Variants in NOD1 observed in about 807,000 individuals in gnomAD.
NOD1 encodes the protein nucleotide binding oligomerization domain containing 1, also known as nucleotide-binding oligomerization domain-containing protein 1.
NOD1 carries 70 observed loss-of-function variants against 81.2 expected under a neutral mutation model. The ratio of observed to expected loss-of-function variants is 0.86; its 90% confidence interval spans 0.71 to 1.05. NOD1 has a LOEUF of 1.05. Among genes scored for constraint, NOD1 ranks in the 50% least tolerant of loss-of-function variants. The probability of loss-of-function intolerance (pLI) is 0.00; values close to 1 mark genes in which losing one functional copy is unlikely to be tolerated. For synonymous variants in NOD1, 508 were observed against 526.9 expected, an observed-to-expected ratio of 0.96 and a Z score of 0.49; for missense variants, 1,233 against 1,228.0, an observed-to-expected ratio of 1.00 and a Z score of -0.06.
Position 30,467,203 on chromosome 7 carries a change from A to G in NOD1, c.-351-7162T>C, listed in dbSNP as rs897351099. ...CCCCTGCCCTCCAAATACACAAAGCACTCCACGTTCTCTATAGGCATACGC... is the reference window on the plus strand; with the variant it reads ...CCCCTGCCCTCCAAATACACAAAGCGCTCCACGTTCTCTATAGGCATACGC... On this transcript the variant is annotated intron_variant, in intron 1 of 13. Transcript: ENST00000222823. This position sits in a 1 kb window ranked among gnomAD's most constrained non-coding sequence, Gnocchi z 4.5. 6.6e-6 allele frequency among the ~76,000 whole-genome samples: 1 copy of G among 152,010 alleles called. No homozygotes were observed. Among genetic ancestry groups the G allele is most frequent in the African/African-American group, 2.4e-5 (1 of 41,372 alleles).
In NOD1 at chr7:30,449,141, G is replaced by T. The variant is rs572979094; in HGVS notation, c.2202-760C>A. On this transcript the variant is annotated intron_variant, in intron 6 of 13. Coordinates refer to ENST00000222823, the MANE Select transcript of NOD1 (RefSeq NM_006092.4). Reference sequence around the variant, plus strand: ...GAAACACAAGCCTTGGGCCCAATTAGACCCACAAGCTGACCTTGATAACAA... The same window carrying T: ...GAAACACAAGCCTTGGGCCCAATTATACCCACAAGCTGACCTTGATAACAA... Among the ~76,000 whole-genome samples the T allele has an allele frequency of 4.6e-5, 7 of 152,330 alleles. 1 individual carries two copies. Among genetic ancestry groups the T allele is most frequent in the Admixed American group, 1.3e-4 (2 of 15,302 alleles).
chr7:30,446,933 A>G (rs1425246428), intron 8 of NOD1, 34 bp downstream of exon 8: 2 of 1,541,362 alleles, frequency 1.3e-6, no homozygotes, highest in African/African-American at 2.7e-5. Flanking sequence ...GATCAAGAGA[A>G]TATACTAAGG....
At position 30,457,481 on chromosome 7, in the gene NOD1, G is replaced by GA. The variant is rs200801586; in HGVS notation, c.-121-440dup. Among the ~76,000 whole-genome samples, 676 of 151,822 alleles carry GA rather than the reference G, an allele frequency of 4.5e-3. 17 individuals carry two copies. Among genetic ancestry groups the GA allele is most frequent in the Admixed American group, 0.041 (618 of 15,242 alleles). ...AAACTTTTATCTTAGATGCATTAAA[G>GA]AAAAAAAATCATAATTTAATTGTTT... On this transcript the variant is annotated intron_variant, in intron 3 of 13. Coordinates refer to ENST00000222823, the MANE Select transcript of NOD1 (RefSeq NM_006092.4).
chr7:30,465,692 A>T (rs1438597651), intron 1 of NOD1, among the ~76,000 whole-genome samples: 1 of 152,148 alleles, frequency 6.6e-6, no homozygotes. Context: ...CAAAATAAAT[A>T]ACACAGCTTT....
Position 30,425,512 on chromosome 7 carries a change from G to C in NOD1, c.*126C>G. On this transcript the variant is annotated 3_prime_UTR_variant, in exon 14 of 14. Transcript: ENST00000222823. ...ACAGGAAGCTGGCTTGCATCATGGA[G>C]GCAGTGGACTCCTGATAGTCCCGCC... 1.4e-6 allele frequency: 1 copy of C among 720,900 alleles called. No homozygotes were observed. The allele number at this position is 720,900 out of a possible 1,614,324, so 44.7% of individuals were successfully genotyped here.
rs1784353949 is a variant in NOD1, at chr7:30,436,076, G to GC, written c.2542dup (p.Ala848GlyfsTer32). The GC allele has an allele frequency of 2.5e-6, 4 of 1,613,052 alleles. No individual in the cohort carries two copies. The African/African-American group carries it at 5.3e-5, about 22-fold the overall frequency. On this transcript the variant is annotated frameshift_variant, in exon 11 of 14. Transcript: ENST00000222823. LOFTEE classifies it high-confidence loss of function. ...TCCTTCTGTGGAGATGCCGTTGGACGCAAGACTAGGAAGGAACACACTTGG... is the reference window on the plus strand; with the variant it reads ...TCCTTCTGTGGAGATGCCGTTGGACGCCAAGACTAGGAAGGAACACACTTGG...
In NOD1 at chr7:30,455,434, C is replaced by G. The variant is rs569166891; in HGVS notation, c.202-123G>C. The G allele has an allele frequency of 6.4e-4, 435 of 674,614 alleles. 4 individuals carry two copies. The South Asian group carries it at 8.1e-3, about 13-fold the overall frequency. The allele number at this position is 674,614 out of a possible 1,614,324, so 41.8% of individuals were successfully genotyped here. On this transcript the variant is annotated intron_variant, in intron 4 of 13. Transcript: ENST00000222823. ...TAGTACAGCCGGTAGCTATGCCATC[C>G]CCCCAGCTGCTGTGACAGTCAACAT...
chr7:30,470,631 G>T (rs1414034541), intron 1 of NOD1, among the ~76,000 whole-genome samples: 2 of 152,172 alleles, frequency 1.3e-5, no homozygotes, highest in Non-Finnish European at 2.9e-5. Flanking sequence ...TCTTTAAAAG[G>T]TTAACCAGAG....
At position 30,457,007 on chromosome 7, in the gene NOD1, C is replaced by G; in HGVS notation, c.-86G>C. 1 of 1,168,924 alleles carries G rather than the reference C, an allele frequency of 8.6e-7. No homozygotes were observed. Among genetic ancestry groups the G allele is most frequent in the Non-Finnish European group, 1.3e-6 (1 of 785,070 alleles). The allele number at this position is 1,168,924 out of a possible 1,614,324, so 72.4% of individuals were successfully genotyped here. A position where few individuals can be genotyped will look rare whatever the true frequency, so the allele number is the denominator to read the frequency against. On this transcript the variant is annotated 5_prime_UTR_variant, in exon 4 of 14. Transcript: ENST00000222823. ...GCAGAAGGGCAATCAGGATTCAGGCCGCGCCCTCCAGGGCCCCTGCTACTC... is the reference window on the plus strand; with the variant it reads ...GCAGAAGGGCAATCAGGATTCAGGCGGCGCCCTCCAGGGCCCCTGCTACTC...
Position 30,451,648 on chromosome 7 carries a change from A to C in NOD1, c.1769T>G (p.Leu590Arg), listed in dbSNP as rs748162719. ...TTTGGACAACAGCCCGCACAGGAAG[A>C]GGTTGGTGAACTGGAAGTGATCCTT... ...KNKDHFQFTN[L>R]FLCGLLSKAK... The change falls in exon 6 of 14, where the codon CTC becomes CGC. Residue 590 changes from leucine to arginine, a missense_variant. Transcript: ENST00000222823. This position sits in a 1 kb window ranked among gnomAD's most constrained non-coding sequence, Gnocchi z 4.2. The C allele has an allele frequency of 3.1e-6, 5 of 1,613,890 alleles. No individual in the cohort carries two copies. In the South Asian group the frequency reaches 3.3e-5, roughly 11 times the overall value.
At chr7:30,429,233 T>C in intron 13 of NOD1, 141 bp downstream of exon 13, 1 of 755,866 alleles carries the variant, frequency 1.3e-6, no homozygotes, top group Non-Finnish European at 2.3e-6. Context: ...TGTCTACCTC[T>C]GTAAAACAGA....
At chr7:30,446,757 T>C in intron 8 of NOD1, 1 of 548,302 alleles carries the variant, frequency 1.8e-6, no homozygotes. Flanking sequence ...GAAATCAAAA[T>C]GCCAACCTTT....
intron 10 of NOD1, among the ~76,000 whole-genome samples, 178 bp downstream of exon 10, chr7:30,437,395 A>G (rs1187586486): frequency 6.6e-6 from 1 of 152,202 alleles, no homozygotes; most frequent in African/African-American, 2.4e-5. Context: ...TTAAAAAAAG[A>G]GAAGAATGTG....
In NOD1 at chr7:30,467,086, T is replaced by C. The variant is rs1355838977; in HGVS notation, c.-351-7045A>G. Reference sequence around the variant, plus strand: ...CACGGTGGAGCTGCATGTACTGACATAGAAAGAGCCTTAAGACATCCTGTC... The same window carrying C: ...CACGGTGGAGCTGCATGTACTGACACAGAAAGAGCCTTAAGACATCCTGTC... On this transcript the variant is annotated intron_variant, in intron 1 of 13. Coordinates refer to ENST00000222823, the MANE Select transcript of NOD1 (RefSeq NM_006092.4). This position sits in a 1 kb window ranked among gnomAD's most constrained non-coding sequence, Gnocchi z 4.5. Among the ~76,000 whole-genome samples, 1 of 152,142 alleles carries C rather than the reference T, an allele frequency of 6.6e-6. No individual in the cohort carries two copies. The highest frequency in any genetic ancestry group is 1.5e-5 in the Non-Finnish European group (1 of 68,030).
chr7:30,447,805 TACC>T (rs1226392995), intron 7 of NOD1: 1 of 156,110 alleles, frequency 6.4e-6, no homozygotes, highest in Non-Finnish European at 1.4e-5. Context: ...TAGTCTTTCT[TACC>T]ACACTTGGTT....
Position 30,425,699 on chromosome 7 carries a change from T to A in NOD1, c.2801A>T (p.Asn934Ile). ...TTTGGCCTCCTCTGGTTTTATCAGG[T>A]TTCCATTTAGGCTGTTGAAAAGGAG... ...TGITEICLNG[N>I]LIKPEEAKVY... The change falls in exon 14 of 14, where the codon AAC becomes ATC. Residue 934 changes from asparagine to isoleucine, a missense_variant. Physicochemically the swap from Asn to Ile is moderately radical, Grantham distance 149. Coordinates refer to ENST00000222823, the MANE Select transcript of NOD1 (RefSeq NM_006092.4). 6.2e-7 allele frequency: 1 copy of A among 1,613,132 alleles called. No homozygotes were observed. The highest frequency in any genetic ancestry group is 8.5e-7 in the Non-Finnish European group (1 of 1,179,078).
chr7:30,436,175 C>T, intron 10 of NOD1, 94 bp from the exon 11 acceptor site: 1 of 1,008,826 alleles, frequency 9.9e-7, no homozygotes, highest in Non-Finnish European at 1.5e-6. Context: ...CTCTGCCTGG[C>T]TGTGGCCCCA....
In NOD1 at chr7:30,446,382, G is replaced by C. The variant is rs1167606896; in HGVS notation, c.2370-158C>G. On this transcript the variant is annotated intron_variant, in intron 8 of 13. Transcript: ENST00000222823. ...GCCATGGCCTGGGCCTCCTGTCAGGGAGGGAACTGAAGCCCTGAGGACAGT... is the reference window on the plus strand; with the variant it reads ...GCCATGGCCTGGGCCTCCTGTCAGGCAGGGAACTGAAGCCCTGAGGACAGT... 1.2e-5 allele frequency: 8 copies of C among 648,844 alleles called. No individual in the cohort carries two copies. In the Admixed American group the frequency reaches 1.2e-4, roughly 10 times the overall value. The allele number at this position is 648,844 out of a possible 1,614,324, so 40.2% of individuals were successfully genotyped here.
intron 9 of NOD1, among the ~76,000 whole-genome samples, chr7:30,445,498 C>T (rs1213272404): frequency 6.6e-6 from 1 of 151,834 alleles, no homozygotes; most frequent in Non-Finnish European, 1.5e-5. Flanking sequence ...GTGGCTCACG[C>T]CTATAATCCT....
Sources: gnomAD v4.1 joint callset for allele counts (sites outside exome capture counted in the v4.1 genomes callset) on GRCh38, gnomAD v4.1.1 for gene constraint, Gnocchi (gnomAD v3.1) non-coding constraint, MANE v1.5 for transcripts, NCBI Gene and HGNC (gene_info 2026-07-23, HGNC 2026-07-21) for gene names.